Variants in AP3S2 observed in about 807,000 individuals in gnomAD.
The protein encoded by AP3S2 is AP-3 complex subunit sigma-2.
A neutral mutation model predicts 23.4 loss-of-function variants in AP3S2; 22 were observed. The ratio of observed to expected loss-of-function variants is 0.94; its 90% CI spans 0.67 to 1.34. The LOEUF (loss-of-function observed/expected upper bound fraction) is 1.34. Ranked by LOEUF, AP3S2 falls within the 40% of genes most tolerant of loss-of-function variation. The pLI is 0.00. For missense variants in AP3S2, 241 were observed against 236.9 expected, an observed-to-expected ratio of 1.02 and a Z score of -0.11; for synonymous variants, 86 against 87.1, an observed-to-expected ratio of 0.99 and a Z score of 0.07.
chr15:89,869,394 C>T (rs1896258929), intron 4 of AP3S2, among the ~76,000 whole-genome samples: 2 of 148,666 alleles, frequency 1.3e-5, no homozygotes, highest in South Asian at 4.4e-4. Context: ...AGAGTCATCA[C>T]CAATCCCTAA....
At chr15:89,890,290 T>C (rs1238628515) in intron 1 of AP3S2, among the ~76,000 whole-genome samples, 1 of 152,204 alleles carries the variant, frequency 6.6e-6, no homozygotes, top group Non-Finnish European at 1.5e-5. Context: ...CCTCAAGTGA[T>C]CCACCTGCTT....
In AP3S2 at chr15:89,848,290, T is replaced by C. The variant is rs375607158; in HGVS notation, c.346-10568A>G. 2.6e-5 allele frequency among the ~76,000 whole-genome samples: 4 copies of C among 152,360 alleles called. 1 individual carries two copies. The South Asian group carries it at 6.2e-4, about 24-fold the overall frequency. On this transcript the variant is annotated intron_variant, in intron 4 of 5. Coordinates refer to ENST00000336418, the MANE Select transcript of AP3S2 (RefSeq NM_005829.5). ...CATGAGGATGCCAATACTGCAACAC[T>C]CAAGTTTTGAAAAAGAATTGTTAAT...
chr15:89,883,868 TG>T (rs1896630909), intron 3 of AP3S2: 1 of 152,176 alleles, frequency 6.6e-6, no homozygotes, highest in Admixed American at 6.6e-5. Flanking sequence ...TCCAAAAACC[TG>T]AAATCCAAAA....
chr15:89,893,990 A>G lies in AP3S2; in HGVS notation c.-41T>C, dbSNP rs1333861718. Reference sequence around the variant, plus strand: ...TTCTCTCAGCACCGGCTACTCCCAGAAAGCTCCTCCTTCCGCCACAACACG... The same window carrying G: ...TTCTCTCAGCACCGGCTACTCCCAGGAAGCTCCTCCTTCCGCCACAACACG... On this transcript the variant is annotated 5_prime_UTR_variant, in exon 1 of 6. Transcript: ENST00000336418. 1.5e-5 allele frequency: 23 copies of G among 1,543,216 alleles called. No individual in the cohort carries two copies. The Admixed American group carries it at 4.3e-4, about 29-fold the overall frequency.
At chr15:89,859,041 A>G (rs1369213848) in intron 4 of AP3S2, among the ~76,000 whole-genome samples, 4 of 151,612 alleles carry the variant, frequency 2.6e-5, no homozygotes, top group Admixed American at 2.0e-4. Flanking sequence ...TTTTTACTTA[A>G]AGAGATGGGG....
chr15:89,866,238 G>GT (rs1163604788), intron 4 of AP3S2, among the ~76,000 whole-genome samples: 1 of 132,164 alleles, frequency 7.6e-6, no homozygotes, highest in Non-Finnish European at 1.5e-5. Flanking sequence ...CTCCAGCCTG[G>GT]GCAACAGAGC....
chr15:89,853,500 G>C (rs1895711355), intron 4 of AP3S2, among the ~76,000 whole-genome samples: 1 of 152,334 alleles, frequency 6.6e-6, no homozygotes, highest in South Asian at 2.1e-4. Context: ...TACCCAAAAA[G>C]TGAGTCTAAA....
chr15:89,844,016 C>T (rs1257722058), intron 4 of AP3S2, among the ~76,000 whole-genome samples: 1 of 152,184 alleles, frequency 6.6e-6, no homozygotes, highest in African/African-American at 2.4e-5. Context: ...AATACGAACA[C>T]TGATTTCCTC....
At chr15:89,842,199 G>T (rs1202597719) in intron 4 of AP3S2, among the ~76,000 whole-genome samples, 1 of 146,202 alleles carries the variant, frequency 6.8e-6, no homozygotes. Flanking sequence ...GGAGAGAAAT[G>T]GAAAAAAAAA....
chr15:89,850,419 T>C (rs1007359430), intron 4 of AP3S2, among the ~76,000 whole-genome samples: 1 of 152,100 alleles, frequency 6.6e-6, no homozygotes, highest in East Asian at 1.9e-4. Flanking sequence ...GCCACAGAGA[T>C]TGAAAATTTG....
chr15:89,869,277 C>T (rs113199494), intron 4 of AP3S2, among the ~76,000 whole-genome samples: 1,922 of 145,360 alleles, frequency 0.013, 49 homozygotes, highest in African/African-American at 0.047. Flanking sequence ...TTACCCCCAA[C>T]CCTGTGCTCT....
intron 4 of AP3S2, chr15:89,865,561 A>G (rs867433987): frequency 5.3e-5 from 8 of 152,208 alleles, no homozygotes; most frequent in African/African-American, 1.9e-4. Flanking sequence ...GGCAGATACT[A>G]TGGTCTACAG....
At chr15:89,849,518 C>T (rs1029195871) in intron 4 of AP3S2, among the ~76,000 whole-genome samples, 2 of 151,990 alleles carry the variant, frequency 1.3e-5, no homozygotes, top group Non-Finnish European at 2.9e-5. Flanking sequence ...AGGCGCCCAC[C>T]ACCACGCCCG....
intron 4 of AP3S2, among the ~76,000 whole-genome samples, chr15:89,840,038 G>A (rs535840557): frequency 6.6e-6 from 1 of 152,314 alleles, no homozygotes; most frequent in East Asian, 1.9e-4. Context: ...TGGAACGGGG[G>A]CTGCCATGAG....
chr15:89,839,378 G>C (rs1157172812), intron 4 of AP3S2, among the ~76,000 whole-genome samples: 1 of 152,084 alleles, frequency 6.6e-6, no homozygotes, highest in Non-Finnish European at 1.5e-5. Flanking sequence ...ATTAACCACT[G>C]TTCTGTCTAC....
At chr15:89,847,357 C>T (rs1369016613) in intron 4 of AP3S2, among the ~76,000 whole-genome samples, 1 of 113,290 alleles carries the variant, frequency 8.8e-6, no homozygotes, top group Non-Finnish European at 1.6e-5. Context: ...GCCTGGGAGA[C>T]AGGGCGAGAC....
At chr15:89,845,244 ATAT>A (rs1484466261) in intron 4 of AP3S2, 1 of 152,190 alleles carries the variant, frequency 6.6e-6, no homozygotes, top group Non-Finnish European at 1.5e-5. Context: ...TTTAATCTGT[ATAT>A]TATTTAATCA....
intron 3 of AP3S2, among the ~76,000 whole-genome samples, chr15:89,874,733 C>G (rs1173576778): frequency 6.6e-6 from 1 of 152,186 alleles, no homozygotes; most frequent in Non-Finnish European, 1.5e-5. Context: ...AGTGAATTAT[C>G]ATTGCACCAC....
intron 3 of AP3S2, among the ~76,000 whole-genome samples, chr15:89,873,628 G>GT (rs1338145371): frequency 6.6e-6 from 1 of 151,858 alleles, no homozygotes; most frequent in African/African-American, 2.4e-5. Context: ...TTCCATCTCT[G>GT]CCCATTCTGA....
Sources: gnomAD v4.1 joint callset for allele counts (sites outside exome capture counted in the v4.1 genomes callset) on GRCh38, gnomAD v4.1.1 for gene constraint, MANE v1.5 for transcripts, NCBI Gene and HGNC (gene_info 2026-07-23, HGNC 2026-07-21) for gene names.